TCTN2: variants seen among roughly 807,000 people sequenced by gnomAD.
The protein encoded by TCTN2 is tectonic-2.
A neutral mutation model predicts 83.4 loss-of-function variants in TCTN2; 66 were observed. The ratio of observed to expected loss-of-function variants is 0.79; its 90% CI spans 0.65 to 0.97. The LOEUF is 0.97. TCTN2 is among the 50% of genes least tolerant of loss of function. TCTN2 has a pLI of 0.00. For synonymous variants in TCTN2, 301 were observed against 326.7 expected, an observed-to-expected ratio of 0.92 and a Z score of 0.85; for missense variants, 794 against 858.1, an observed-to-expected ratio of 0.93 and a Z score of 0.93.
intron 14 of TCTN2, 43 bp from the exon 15 acceptor site, chr12:123,704,489 T>A (rs1383246182): frequency 1.3e-6 from 2 of 1,565,478 alleles, no homozygotes; most frequent in Non-Finnish European, 1.7e-6. Flanking sequence ...GGAAAACTTA[T>A]CAAATTATTC....
In TCTN2 at chr12:123,672,125, C is replaced by T. The variant is rs754089603; in HGVS notation, c.260C>T (p.Pro87Leu). 6.2e-7 allele frequency: 1 copy of T among 1,614,108 alleles called. No individual in the cohort carries two copies. Among genetic ancestry groups the T allele is most frequent in the South Asian group, 1.1e-5 (1 of 91,080 alleles). The change falls in exon 3 of 18, where the codon CCC (proline) becomes CTC (leucine). Residue 87 changes from proline to leucine, a missense_variant. By Grantham distance (98) the Pro-to-Leu change is moderately conservative. Coordinates refer to ENST00000303372, the MANE Select transcript of TCTN2 (RefSeq NM_024809.5). Reference protein sequence around the residue: ...ETEDWSVTVIPGAKVLEVTVR... With the variant: ...ETEDWSVTVILGAKVLEVTVR... ...GAAGACTGGAGCGTGACTGTGATCC[C>T]CGGTGCGGTAAGGCCAGAAGTAAAC...
chr12:123,690,563 G>A lies in TCTN2; in HGVS notation c.922G>A (p.Ala308Thr), dbSNP rs1232233931. Residue 308 changes from alanine to threonine, a missense_variant, in exon 8 of 18, where the codon GCC becomes ACC. Ala to Thr is a moderately conservative substitution (Grantham distance 58, BLOSUM62 0). Transcript: ENST00000303372. ...VSLAGQCMQN[A>T]PVAFLHNFDV... is the part of the protein sequence containing the mutation. ...CCTGGCTGGGCAGTGTATGCAGAAC[G>A]CCCCAGTGGCATTTCTTCACAATTT... 1.2e-6 allele frequency: 2 copies of A among 1,614,146 alleles called. No homozygotes were observed. The highest frequency in any genetic ancestry group is 1.7e-6 in the Non-Finnish European group (2 of 1,180,036).
rs1956031029 is a variant in TCTN2 at position 123,690,675 on chromosome 12, G to A, written c.1033+1G>A. 1.2e-6 allele frequency: 2 copies of A among 1,613,946 alleles called. No individual in the cohort carries two copies. Among genetic ancestry groups the A allele is most frequent in the South Asian group, 1.1e-5 (1 of 91,062 alleles). On this transcript the variant is annotated splice_donor_variant, in intron 8 of 17. Transcript: ENST00000303372. LOFTEE classifies it high-confidence loss of function. ...AAGATAAAGAATGTTGCCTTAGGAG[G>A]TATGTTACATTTCTTTGAAAAAAGA...
chr12:123,706,666 G>C, intron 15 of TCTN2, 60 bp from the exon 16 acceptor site: 1 of 1,613,000 alleles, frequency 6.2e-7, no homozygotes, highest in East Asian at 2.2e-5. Flanking sequence ...GTTACCTGCT[G>C]TTCTTGGTGG....
At chr12:123,697,365 C>T (rs1956122470) in intron 13 of TCTN2, among the ~76,000 whole-genome samples, 167 bp downstream of exon 13, 1 of 152,176 alleles carries the variant, frequency 6.6e-6, no homozygotes, top group African/African-American at 2.4e-5. Flanking sequence ...TTGATTCAAA[C>T]ATCAATATGA....
chr12:123,683,595 T>C (rs1298244376), intron 5 of TCTN2, among the ~76,000 whole-genome samples: 1 of 152,024 alleles, frequency 6.6e-6, no homozygotes, highest in Non-Finnish European at 1.5e-5. Flanking sequence ...TTATTTTTAT[T>C]TTTAACCTTT....
intron 9 of TCTN2, among the ~76,000 whole-genome samples, chr12:123,693,743 G>T (rs12821219): frequency 6.6e-6 from 1 of 151,526 alleles, no homozygotes; most frequent in Non-Finnish European, 1.5e-5. Flanking sequence ...CGTGAGCCAC[G>T]GCGACTGGCT....
At chr12:123,690,466 A>G in intron 7 of TCTN2, 67 bp from the exon 8 acceptor site, 1 of 1,609,310 alleles carries the variant, frequency 6.2e-7, no homozygotes, top group Non-Finnish European at 8.5e-7. Flanking sequence ...GTTTTAAGGG[A>G]TGCTGATCTG....
chr12:123,690,530 C>T lies in TCTN2; in HGVS notation c.892-3C>T. The stretch of plus-strand genomic sequence containing the variant: ...ATCTGTTGGCTTTGCCCTTCTCCCT[C>T]AGGTGTCCCTGGCTGGGCAGTGTAT... On this transcript the variant is annotated splice_region_variant and splice_polypyrimidine_tract_variant and intron_variant, in intron 7 of 17. Transcript: ENST00000303372. 1 of 1,614,210 alleles carries T rather than the reference C, an allele frequency of 6.2e-7. No homozygotes were observed. Among genetic ancestry groups the T allele is most frequent in the African/African-American group, 1.3e-5 (1 of 75,058 alleles).
chr12:123,699,017 A>G (rs1956141507), intron 13 of TCTN2, among the ~76,000 whole-genome samples: 1 of 152,172 alleles, frequency 6.6e-6, no homozygotes, highest in African/African-American at 2.4e-5. Flanking sequence ...AGCTAGATAT[A>G]TAGGTTACTT....
At position 123,690,666 on chromosome 12, in the gene TCTN2, C is replaced by T. The variant is rs759690396; in HGVS notation, c.1025C>T (p.Ala342Val). 4 of 1,614,010 alleles carry T rather than the reference C, an allele frequency of 2.5e-6. No homozygotes were observed. The highest frequency in any genetic ancestry group is 1.7e-6 in the Non-Finnish European group (2 of 1,179,994). ...ATCAATGCGAAGATAAAGAATGTTG[C>T]CTTAGGAGGTATGTTACATTTCTTT... ...GIINAKIKNV[A>V]LGGIVTPKVI... The change falls in exon 8 of 18, where the codon GCC (alanine) becomes GTC (valine). Residue 342 changes from alanine to valine, a missense_variant. By Grantham distance (64) the Ala-to-Val change is moderately conservative (BLOSUM62 0). Coordinates refer to ENST00000303372, the MANE Select transcript of TCTN2 (RefSeq NM_024809.5).
rs879080073 is a variant in TCTN2 at position 123,673,616 on chromosome 12, A to G, written c.269A>G (p.Lys90Arg). ...AATACAGCAATGTTTTCCTTTCAGA[A>G]GGTGTTGGAAGTGACAGTGAGGTGG... ...DWSVTVIPGA[K>R]VLEVTVRWKR... Residue 90 changes from lysine (K) to arginine (R), a missense_variant and splice_region_variant, in exon 4 of 18, where the codon AAG becomes AGG. Physicochemically the swap from Lys to Arg is conservative, Grantham distance 26. Coordinates refer to ENST00000303372, the MANE Select transcript of TCTN2 (RefSeq NM_024809.5). The G allele has an allele frequency of 6.2e-7, 1 of 1,614,170 alleles. No homozygotes were observed. Among genetic ancestry groups the G allele is most frequent in the South Asian group, 1.1e-5 (1 of 91,084 alleles).
At position 123,704,595 on chromosome 12, in the gene TCTN2, A is replaced by G; in HGVS notation, c.1676A>G (p.Asp559Gly). 6.2e-7 allele frequency: 1 copy of G among 1,613,538 alleles called. No homozygotes were observed. Among genetic ancestry groups the G allele is most frequent in the South Asian group, 1.1e-5 (1 of 91,024 alleles). ...LASSVNGMCL[D>G]IPAHLSIRIL... ...AGCAGTGTGAACGGCATGTGCCTGG[A>G]TATTCCTGCTCACCTGAGCATCCGC... Residue 559 changes from aspartate to glycine, a missense_variant, in exon 15 of 18, where the codon GAT (aspartate) becomes GGT (glycine). Coordinates refer to ENST00000303372, the MANE Select transcript of TCTN2 (RefSeq NM_024809.5).
intron 3 of TCTN2, 39 bp downstream of exon 3, chr12:123,672,171 AGG>A (rs1955762433): frequency 6.4e-7 from 1 of 1,561,108 alleles, no homozygotes; most frequent in Admixed American, 1.7e-5. Context: ...GCCTGTGAAG[AGG>A]CCCCCAGCTA....
intron 17 of TCTN2, chr12:123,707,309 C>T (rs1956242413): frequency 6.5e-6 from 4 of 611,912 alleles, no homozygotes; most frequent in African/African-American, 1.8e-5. Context: ...TGCAGTGGCA[C>T]AATCTCAGCT....
chr12:123,698,272 C>T (rs1288746601), intron 13 of TCTN2, among the ~76,000 whole-genome samples: 3 of 151,872 alleles, frequency 2.0e-5, no homozygotes, highest in Non-Finnish European at 2.9e-5. Flanking sequence ...GAACTCCTGA[C>T]CTCAGGTGAT....
At chr12:123,682,030 G>A (rs1162726903) in intron 5 of TCTN2, among the ~76,000 whole-genome samples, 3 of 152,128 alleles carry the variant, frequency 2.0e-5, no homozygotes, top group Non-Finnish European at 4.4e-5. Flanking sequence ...GAATGCAGTG[G>A]TGCAATCACA....
chr12:123,684,259 T>G (rs776944588), intron 5 of TCTN2, among the ~76,000 whole-genome samples: 3 of 152,082 alleles, frequency 2.0e-5, no homozygotes, highest in Non-Finnish European at 4.4e-5. Flanking sequence ...TTTTTTTGGT[T>G]GTTGTTTTGT....
At position 123,688,119 on chromosome 12, in the gene TCTN2, G is replaced by T. The variant is rs1174317646; in HGVS notation, c.833G>T (p.Gly278Val). 1.9e-6 allele frequency: 3 copies of T among 1,613,804 alleles called. No homozygotes were observed. In the African/African-American group the frequency reaches 4.0e-5, roughly 22 times the overall value. ...DTDAKDFADF[G>V]YKQGDPIMTV... is the part of the protein sequence containing the mutation. Reference sequence around the variant, plus strand: ...GACGCAAAAGACTTTGCAGACTTTGGTTACAAACAAGGAGATCCCATTATG... The same window carrying T: ...GACGCAAAAGACTTTGCAGACTTTGTTTACAAACAAGGAGATCCCATTATG... The change falls in exon 7 of 18, where the codon GGT (glycine) becomes GTT (valine). Residue 278 changes from glycine to valine, a missense_variant. Coordinates refer to ENST00000303372, the MANE Select transcript of TCTN2 (RefSeq NM_024809.5).
Sources: allele counts gnomAD v4.1 joint callset (sites outside exome capture counted in the v4.1 genomes callset), GRCh38; gene constraint gnomAD v4.1.1; transcripts MANE v1.5; gene names NCBI Gene and HGNC (gene_info 2026-07-23, HGNC 2026-07-21).